The following EIPR1 variants were observed in gnomAD, a reference collection of about 807,000 sequenced individuals.
EIPR1 encodes the protein EARP and GARP complex-interacting protein 1.
In EIPR1, 25 loss-of-function variants were observed where a neutral mutation model predicts 48.1. The ratio of observed to expected loss-of-function variants is 0.52; its 90% CI spans 0.38 to 0.73. The LOEUF (loss-of-function observed/expected upper bound fraction) is 0.73. Among genes scored for constraint, EIPR1 ranks in the 30% least tolerant of loss-of-function variants. The pLI, the probability that EIPR1 is intolerant of heterozygous loss-of-function variation, is 0.00. For synonymous variants in EIPR1, 204 were observed against 201.9 expected, an observed-to-expected ratio of 1.01 and a Z score of -0.09; for missense variants, 415 against 506.2, an observed-to-expected ratio of 0.82 and a Z score of 1.73.
chr2:3,267,867 GA>G, intron 3 of EIPR1, among the ~76,000 whole-genome samples: 1 of 152,344 alleles, frequency 6.6e-6, no homozygotes, highest in Admixed American at 6.5e-5. Context: ...CTTTAAGGAA[GA>G]AATCGGCTGG....
intron 4 of EIPR1, among the ~76,000 whole-genome samples, chr2:3,246,758 AGG>A (rs1666809601): frequency 7.3e-6 from 1 of 136,320 alleles, no homozygotes; most frequent in Non-Finnish European, 1.6e-5. Flanking sequence ...AGAGGAAGAG[AGG>A]GAGGAAGGGA....
chr2:3,365,141 T>TA (rs58972888), intron 1 of EIPR1, among the ~76,000 whole-genome samples: 31 of 145,532 alleles, frequency 2.1e-4, no homozygotes, highest in Admixed American at 2.8e-4. Flanking sequence ...TTGTTTTAAT[T>TA]AAAAAAAAAA....
chr2:3,304,552 A>G (rs1175687857), intron 3 of EIPR1, among the ~76,000 whole-genome samples: 3 of 5,656 alleles, frequency 5.3e-4, no homozygotes, highest in Admixed American at 1.6e-3. Flanking sequence ...ATCCAGTTCA[A>G]CCTTCCACTC....
intron 3 of EIPR1, among the ~76,000 whole-genome samples, chr2:3,271,787 A>T (rs1572382328): frequency 6.6e-6 from 1 of 151,948 alleles, no homozygotes; most frequent in Admixed American, 6.6e-5. Flanking sequence ...AAAGTCAACA[A>T]CTCCATTAGC....
chr2:3,263,405 C>T (rs1667393687), intron 3 of EIPR1, among the ~76,000 whole-genome samples: 1 of 152,180 alleles, frequency 6.6e-6, no homozygotes, highest in African/African-American at 2.4e-5. Flanking sequence ...GTTCATCCGA[C>T]ACTTAGTCCA....
At chr2:3,235,665 C>T (rs547213337) in intron 4 of EIPR1, among the ~76,000 whole-genome samples, 2 of 152,330 alleles carry the variant, frequency 1.3e-5, no homozygotes, top group East Asian at 1.9e-4. Context: ...TTTTGCCAAA[C>T]TTATTTTAAG....
At chr2:3,368,541 G>A (rs1410370458) in intron 1 of EIPR1, among the ~76,000 whole-genome samples, 1 of 152,154 alleles carries the variant, frequency 6.6e-6, no homozygotes, top group Non-Finnish European at 1.5e-5. Context: ...AGCCACCACT[G>A]CCTAGAGGTT....
At chr2:3,213,153 T>A (rs577783189) in intron 5 of EIPR1, among the ~76,000 whole-genome samples, 1 of 152,240 alleles carries the variant, frequency 6.6e-6, no homozygotes, top group Non-Finnish European at 1.5e-5. Flanking sequence ...ATCTATCCAA[T>A]GGATGCTTGC....
At chr2:3,234,460 C>T (rs946241752) in intron 4 of EIPR1, among the ~76,000 whole-genome samples, 3 of 152,150 alleles carry the variant, frequency 2.0e-5, no homozygotes, top group East Asian at 3.9e-4. Flanking sequence ...GACATCGCAT[C>T]GAGGCTCCGG....
At chr2:3,240,642 A>C (rs1202200915) in intron 4 of EIPR1, among the ~76,000 whole-genome samples, 3 of 8,872 alleles carry the variant, frequency 3.4e-4, no homozygotes, top group Non-Finnish European at 3.9e-4. Flanking sequence ...GATCCCTCCT[A>C]AAGAAAAGCC....
intron 2 of EIPR1, among the ~76,000 whole-genome samples, chr2:3,351,019 G>A (rs1378993640): frequency 1.2e-5 from 1 of 84,216 alleles, no homozygotes; most frequent in Admixed American, 1.2e-4. Flanking sequence ...TTTTTTTTTA[G>A]ACAGAGTCTC....
intron 4 of EIPR1, among the ~76,000 whole-genome samples, chr2:3,237,092 C>T (rs923619910): frequency 3.3e-5 from 5 of 152,140 alleles, no homozygotes; most frequent in African/African-American, 1.2e-4. Context: ...AGGGATTAGA[C>T]TGAGTGATCC....
At position 3,275,553 on chromosome 2, in the gene EIPR1, C is replaced by T. The variant is rs75649435; in HGVS notation, c.260-18098G>A. 1.9e-3 allele frequency among the ~76,000 whole-genome samples: 286 copies of T among 151,832 alleles called. 7 individuals carry two copies. The East Asian group carries it at 0.025, about 13-fold the overall frequency. On this transcript the variant is annotated intron_variant, in intron 3 of 8. Coordinates refer to ENST00000382125, the MANE Select transcript of EIPR1 (RefSeq NM_003310.5). Reference sequence around the variant, plus strand: ...TGTAAATGCAACATAAAAATTAATCCATACGATATACCATTAAAAATCTCA... The same window carrying T: ...TGTAAATGCAACATAAAAATTAATCTATACGATATACCATTAAAAATCTCA...
rs1320236490 is a variant in EIPR1, at chr2:3,269,522, ATCATCGCACTCAG to A, written c.260-12080_260-12068del. On this transcript the variant is annotated intron_variant, in intron 3 of 8. Coordinates refer to ENST00000382125, the MANE Select transcript of EIPR1 (RefSeq NM_003310.5). ...TCGCACTCAATCATCATCACACTCA[ATCATCGCACTCAG>A]TCATCGCACTCAGTCATCGCACTCA... is the stretch of plus-strand genomic sequence containing the variant. 2.1e-3 allele frequency among the ~76,000 whole-genome samples: 135 copies of A among 63,644 alleles called. 4 individuals carry two copies. Among genetic ancestry groups the A allele is most frequent in the African/African-American group, 6.9e-3 (119 of 17,150 alleles). The allele number at this position is 63,644 out of a possible 152,430, so 41.8% of individuals were successfully genotyped here. A position where few individuals can be genotyped will look rare whatever the true frequency, so the allele number is the denominator to read the frequency against.
Position 3,217,450 on chromosome 2 carries a change from T to A in EIPR1, c.417-3202A>T, listed in dbSNP as rs535490023. Among the ~76,000 whole-genome samples the A allele has an allele frequency of 3.9e-5, 6 of 152,312 alleles. No individual in the cohort carries two copies. In the South Asian group the frequency reaches 1.2e-3, roughly 32 times the overall value. ...GTTTAACTTCAATAAACATAGGTAC[T>A]TCGTAAAACTCAAGAAAGTAACCCC... On this transcript the variant is annotated intron_variant, in intron 4 of 8. Transcript: ENST00000382125.
chr2:3,311,435 A>AG (rs1669124756), intron 3 of EIPR1, among the ~76,000 whole-genome samples: 1 of 152,218 alleles, frequency 6.6e-6, no homozygotes, highest in African/African-American at 2.4e-5. Context: ...GGCAGCTACA[A>AG]GCAAGTCCCA....
chr2:3,371,581 C>A (rs983796880), intron 1 of EIPR1, among the ~76,000 whole-genome samples: 2 of 152,124 alleles, frequency 1.3e-5, no homozygotes, highest in African/African-American at 4.8e-5. Context: ...GGGTTGCAAT[C>A]CTAGTCTCTG....
intron 3 of EIPR1, among the ~76,000 whole-genome samples, chr2:3,334,037 AAAG>A (rs34712331): frequency 0.07 from 10,684 of 152,194 alleles, 405 homozygotes; most frequent in African/African-American, 0.092. Context: ...ATGGAAACAA[AAAG>A]AAGGAAGGGG....
intron 1 of EIPR1, among the ~76,000 whole-genome samples, chr2:3,369,427 C>A (rs1042518143): frequency 3.9e-5 from 6 of 152,144 alleles, no homozygotes; most frequent in Admixed American, 3.3e-4. Flanking sequence ...CGAAGCAGGG[C>A]GAGGCATTGC....
Sources: gnomAD v4.1 joint callset for allele counts (sites outside exome capture counted in the v4.1 genomes callset) on GRCh38, gnomAD v4.1.1 for gene constraint, MANE v1.5 for transcripts, NCBI Gene and HGNC (gene_info 2026-07-23, HGNC 2026-07-21) for gene names.